Variants in CEP152 observed in about 807,000 individuals in gnomAD.
CEP152 encodes centrosomal protein of 152 kDa.
CEP152 carries 132 observed loss-of-function variants against 188.9 expected under a neutral mutation model. The observed-to-expected ratio is 0.70, with a 90% CI of 0.61 to 0.81. CEP152 has a LOEUF of 0.81. CEP152 is among the 30% of genes least tolerant of loss of function. The pLI is 0.00. For missense variants in CEP152, 1,914 were observed against 1,969.8 expected (o/e 0.97, Z 0.54); for synonymous variants, 649 against 666.6 (o/e 0.97, Z 0.41).
chr15:48,787,983 A>G (rs532506419), intron 9 of CEP152, among the ~76,000 whole-genome samples: 26 of 152,342 alleles, frequency 1.7e-4, no homozygotes, highest in African/African-American at 6.3e-4. Flanking sequence ...GTCTTATTTT[A>G]TAAATTATAC....
At chr15:48,754,848 C>A (rs1894144550) in intron 20 of CEP152, among the ~76,000 whole-genome samples, 2 of 152,134 alleles carry the variant, frequency 1.3e-5, no homozygotes, top group Admixed American at 6.5e-5. Context: ...ATCTAGTTAT[C>A]ATCGAATATG....
At chr15:48,787,651 T>C (rs1172998285) in intron 9 of CEP152, among the ~76,000 whole-genome samples, 1 of 152,180 alleles carries the variant, frequency 6.6e-6, no homozygotes, top group African/African-American at 2.4e-5. Context: ...CCTAAAAGCA[T>C]GGAAAAATTA....
intron 5 of CEP152, 105 bp from the exon 6 acceptor site, chr15:48,796,265 A>C: frequency 8.0e-7 from 1 of 1,255,738 alleles, no homozygotes; most frequent in Non-Finnish European, 1.1e-6. Flanking sequence ...TACTTTTGGT[A>C]CAGTTCAAAG....
chr15:48,761,281 G>A (rs1894664470), intron 18 of CEP152, among the ~76,000 whole-genome samples: 2 of 152,108 alleles, frequency 1.3e-5, no homozygotes, highest in African/African-American at 4.8e-5. Context: ...CTTTAAAGGT[G>A]CCCTGTAAAA....
chr15:48,788,711 A>C, intron 9 of CEP152, 90 bp downstream of exon 9: 2 of 1,211,420 alleles, frequency 1.7e-6, no homozygotes, highest in Non-Finnish European at 2.4e-6. Flanking sequence ...AACATCCAAG[A>C]CTTCTATATG....
chr15:48,752,298 G>A, intron 21 of CEP152, 51 bp downstream of exon 21: 2 of 1,613,828 alleles, frequency 1.2e-6, no homozygotes, highest in East Asian at 2.2e-5. Context: ...CAACCCTTCA[G>A]ATGGGTGATT....
chr15:48,756,551 T>C lies in CEP152; in HGVS notation c.2697A>G (p.Ile899Met). The change falls in exon 20 of 27, where the codon ATA becomes ATG. Residue 899 changes from isoleucine (I) to methionine (M), a missense_variant and splice_region_variant. Physicochemically the swap from Ile to Met is conservative, Grantham distance 10. Coordinates refer to ENST00000380950, the MANE Select transcript of CEP152 (RefSeq NM_001194998.2). ...CTTTAGCTTCAGAAACAGCAAATGATATCTAAAGAACATAACAACATGCAT... is the reference window on the plus strand; with the variant it reads ...CTTTAGCTTCAGAAACAGCAAATGACATCTAAAGAACATAACAACATGCAT... Reference protein sequence around the residue: ...EQHEVSVNKRISFAVSEAKEK... With the variant: ...EQHEVSVNKRMSFAVSEAKEK... 1 of 1,604,294 alleles carries C rather than the reference T, an allele frequency of 6.2e-7. No homozygotes were observed. The highest frequency in any genetic ancestry group is 1.1e-5 in the South Asian group (1 of 91,048).
intron 20 of CEP152, among the ~76,000 whole-genome samples, chr15:48,754,532 A>G (rs1894117485): frequency 6.6e-6 from 1 of 152,128 alleles, no homozygotes; most frequent in Non-Finnish European, 1.5e-5. Context: ...TCTCCAAAAA[A>G]TCTCAATTAA....
intron 22 of CEP152, among the ~76,000 whole-genome samples, chr15:48,747,485 A>G (rs1893532692): frequency 6.6e-6 from 1 of 152,196 alleles, no homozygotes; most frequent in Admixed American, 6.5e-5. Flanking sequence ...AATGGTGATA[A>G]TAGAGGAAGA....
At chr15:48,794,089 A>G (rs1897148829) in intron 6 of CEP152, among the ~76,000 whole-genome samples, 1 of 152,126 alleles carries the variant, frequency 6.6e-6, no homozygotes, top group Non-Finnish European at 1.5e-5. Context: ...TCCATTGGGT[A>G]CTATGTTCAC....
intron 11 of CEP152, 140 bp from the exon 12 acceptor site, chr15:48,781,499 TTATAAAG>T: frequency 1.6e-6 from 1 of 642,058 alleles, no homozygotes; most frequent in Non-Finnish European, 2.7e-6. Flanking sequence ...ACATTATACT[TTATAAAG>T]GTCGGCATAT....
Position 48,784,848 on chromosome 15 carries a change from T to C in CEP152, c.1174-728A>G, listed in dbSNP as rs2278151. 5.3e-4 allele frequency among the ~76,000 whole-genome samples: 81 copies of C among 152,274 alleles called. 2 individuals are homozygous for C. In the East Asian group the frequency reaches 0.015, roughly 29 times the overall value. Reference sequence around the variant, plus strand: ...GATTACATAAAATATAGAGTGTGTATGCAATATACTCAAGTTTCTTCCAAA... The same window carrying C: ...GATTACATAAAATATAGAGTGTGTACGCAATATACTCAAGTTTCTTCCAAA... On this transcript the variant is annotated intron_variant, in intron 9 of 26. Transcript: ENST00000380950.
intron 5 of CEP152, among the ~76,000 whole-genome samples, 196 bp from the exon 6 acceptor site, chr15:48,796,356 GTTAT>G (rs1897299458): frequency 6.6e-6 from 1 of 150,700 alleles, no homozygotes; most frequent in Non-Finnish European, 1.5e-5. Flanking sequence ...AGCACGTATT[GTTAT>G]TTAACACTAT....
chr15:48,772,732 T>C, intron 12 of CEP152, 41 bp from the exon 13 acceptor site: 2 of 1,544,168 alleles, frequency 1.3e-6, no homozygotes, highest in Non-Finnish European at 8.9e-7. Flanking sequence ...AATCAAGTAA[T>C]AAATCAGACA....
At chr15:48,771,997 A>G (rs1895565095) in intron 13 of CEP152, among the ~76,000 whole-genome samples, 1 of 152,224 alleles carries the variant, frequency 6.6e-6, no homozygotes, top group Non-Finnish European at 1.5e-5. Flanking sequence ...AAAAATTGTA[A>G]GTCAAACCAT....
At chr15:48,787,162 CG>C (rs1352719349) in intron 9 of CEP152, among the ~76,000 whole-genome samples, 2 of 37,146 alleles carry the variant, frequency 5.4e-5, no homozygotes, top group African/African-American at 1.4e-4. Context: ...GTATAGCCTT[CG>C]TTTTTTTTTT....
intron 12 of CEP152, among the ~76,000 whole-genome samples, chr15:48,775,010 C>T (rs1225783842): frequency 6.6e-6 from 1 of 151,222 alleles, no homozygotes; most frequent in Non-Finnish European, 1.5e-5. Flanking sequence ...TAAAAACACA[C>T]AAAACCTTCA....
At position 48,788,786 on chromosome 15, in the gene CEP152, TG is replaced by T; in HGVS notation, c.1173+14del. On this transcript the variant is annotated intron_variant, in intron 9 of 26. Coordinates refer to ENST00000380950, the MANE Select transcript of CEP152 (RefSeq NM_001194998.2). ...TACTTGTTGATAACAGTTGCTCATT[TG>T]AAATCATCCCAACCTGTTCTTTAAG... 1 of 1,611,376 alleles carries T rather than the reference TG, an allele frequency of 6.2e-7. No homozygotes were observed. Among genetic ancestry groups the T allele is most frequent in the Non-Finnish European group, 8.5e-7 (1 of 1,177,450 alleles).
intron 2 of CEP152, among the ~76,000 whole-genome samples, chr15:48,730,898 G>A (rs1892398718): frequency 6.6e-6 from 1 of 152,108 alleles, no homozygotes. Flanking sequence ...CAAATCCAGA[G>A]TTGCCACAAT....
Sources: gnomAD v4.1 joint callset for allele counts (sites outside exome capture counted in the v4.1 genomes callset) on GRCh38, gnomAD v4.1.1 for gene constraint, MANE v1.5 for transcripts, NCBI Gene and HGNC (gene_info 2026-07-23, HGNC 2026-07-21) for gene names.